The following DIAPH2 variants were observed in gnomAD, a reference collection of about 807,000 sequenced individuals.
The protein encoded by DIAPH2 is diaphanous related formin 2.
DIAPH2 carries 35 observed loss-of-function variants against 92.7 expected under a neutral mutation model. The observed-to-expected ratio is 0.38, with a 90% confidence interval of 0.29 to 0.50. The LOEUF (loss-of-function observed/expected upper bound fraction) is 0.50. Among genes scored for constraint, DIAPH2 ranks in the 20% least tolerant of loss-of-function variants. The pLI is 0.94. For missense variants in DIAPH2, 701 were observed against 819.5 expected (o/e 0.86, Z 1.77); for synonymous variants, 301 against 280.4 (o/e 1.07, Z -0.73).
intron 26 of DIAPH2, among the ~76,000 whole-genome samples, chrX:97,551,523 G>T (rs905713778): frequency 9.2e-6 from 1 of 108,659 alleles, no homozygotes; most frequent in Non-Finnish European, 1.9e-5. Context: ...CCGGGAGGTG[G>T]AGGTTGTAGT....
At chrX:97,203,287 A>G (rs2067768228) in intron 22 of DIAPH2, among the ~76,000 whole-genome samples, 2 of 111,717 alleles carry the variant, frequency 1.8e-5, no homozygotes, top group South Asian at 7.6e-4. Flanking sequence ...AAACAAATTG[A>G]AAAGCTAGCA....
chrX:96,962,428 T>TAC (rs1569436655), intron 16 of DIAPH2, among the ~76,000 whole-genome samples: 4 of 71,704 alleles, frequency 5.6e-5, no homozygotes, highest in South Asian at 6.6e-4. Context: ...CACATATATA[T>TAC]ACATATATAT....
At chrX:97,087,548 A>G (rs186747618) in intron 19 of DIAPH2, among the ~76,000 whole-genome samples, 13 of 111,691 alleles carry the variant, frequency 1.2e-4, no homozygotes, top group Non-Finnish European at 2.1e-4. Context: ...TATTCTGTAT[A>G]TGACCTTGGG....
chrX:96,923,493 C>A (rs2065560227), intron 9 of DIAPH2, among the ~76,000 whole-genome samples: 1 of 112,245 alleles, frequency 8.9e-6, no homozygotes, highest in Non-Finnish European at 1.9e-5. Context: ...CCAGATCTAT[C>A]AAGTAAGCCT....
At chrX:97,275,601 C>T (rs1176181418) in intron 23 of DIAPH2, among the ~76,000 whole-genome samples, 30 of 93,407 alleles carry the variant, frequency 3.2e-4, no homozygotes, top group Non-Finnish European at 4.6e-4. Context: ...ACTTCTCAGA[C>T]GGGGCGGCCG....
intron 26 of DIAPH2, among the ~76,000 whole-genome samples, chrX:97,436,101 A>G (rs1478271634): frequency 8.9e-6 from 1 of 111,858 alleles, no homozygotes; most frequent in Non-Finnish European, 1.9e-5. Flanking sequence ...CACCGTGCCC[A>G]GCCAGAAAAC....
intron 4 of DIAPH2, among the ~76,000 whole-genome samples, chrX:96,827,191 C>CAGTT (rs1457867824): frequency 8.9e-6 from 1 of 111,959 alleles, no homozygotes; most frequent in African/African-American, 3.2e-5. Flanking sequence ...AACTTAGTAG[C>CAGTT]AGTTACTCCA....
chrX:96,780,814 C>CTT (rs60345216), intron 4 of DIAPH2, among the ~76,000 whole-genome samples: 53 of 95,243 alleles, frequency 5.6e-4, no homozygotes, highest in Non-Finnish European at 8.7e-4. Context: ...TCTCCCTGAT[C>CTT]TTTTTTTTTT....
At chrX:97,497,430 T>C (rs1433085813) in intron 26 of DIAPH2, among the ~76,000 whole-genome samples, 1 of 109,516 alleles carries the variant, frequency 9.1e-6, no homozygotes, top group Non-Finnish European at 1.9e-5. Context: ...TCAGCCAATT[T>C]GTAAGCTCTG....
intron 26 of DIAPH2, among the ~76,000 whole-genome samples, chrX:97,454,359 G>T (rs1191261947): frequency 9.0e-6 from 1 of 110,543 alleles, no homozygotes; most frequent in East Asian, 2.8e-4. Flanking sequence ...GCAGAATACA[G>T]ACTGTATAAT....
chrX:97,053,615 A>G (rs1024940827), intron 17 of DIAPH2, among the ~76,000 whole-genome samples: 13 of 111,559 alleles, frequency 1.2e-4, no homozygotes, highest in African/African-American at 3.6e-4. Flanking sequence ...ATAACTACCT[A>G]TTGAAGAATC....
intron 17 of DIAPH2, among the ~76,000 whole-genome samples, chrX:96,980,019 T>C (rs1474143665): frequency 9.0e-6 from 1 of 110,645 alleles, no homozygotes; most frequent in Non-Finnish European, 1.9e-5. Flanking sequence ...CAGCAGCATC[T>C]AGAGGGGAGT....
chrX:97,510,205 C>T (rs1325966627), intron 26 of DIAPH2, among the ~76,000 whole-genome samples: 1 of 110,334 alleles, frequency 9.1e-6, no homozygotes, highest in Non-Finnish European at 1.9e-5. Flanking sequence ...ACCATTCTAA[C>T]TGGTGTGAGA....
chrX:97,030,803 A>C (rs1293970009), intron 17 of DIAPH2, among the ~76,000 whole-genome samples: 1 of 111,741 alleles, frequency 8.9e-6, no homozygotes, highest in Non-Finnish European at 1.9e-5. Flanking sequence ...TTTCAGTGAA[A>C]TGTTTTTCAT....
intron 1 of DIAPH2, among the ~76,000 whole-genome samples, chrX:96,732,011 G>A (rs750743909): frequency 2.7e-5 from 3 of 110,204 alleles, no homozygotes; most frequent in African/African-American, 9.9e-5. Flanking sequence ...TTTTTGGGGG[G>A]GTCATTTTTG....
At chrX:97,252,093 A>G (rs1469469232) in intron 23 of DIAPH2, among the ~76,000 whole-genome samples, 1 of 112,264 alleles carries the variant, frequency 8.9e-6, no homozygotes, top group Non-Finnish European at 1.9e-5. Context: ...GTTGTGGTCC[A>G]TTCTTAACAT....
chrX:97,359,600 A>T (rs1420638184), intron 24 of DIAPH2, among the ~76,000 whole-genome samples: 1 of 88,038 alleles, frequency 1.1e-5, no homozygotes, highest in African/African-American at 4.6e-5. Context: ...TTTTTATGAT[A>T]CAGAGTCTCG....
chrX:97,045,350 G>C (rs934759920), intron 17 of DIAPH2, among the ~76,000 whole-genome samples: 1 of 111,794 alleles, frequency 8.9e-6, no homozygotes, highest in African/African-American at 3.3e-5. Flanking sequence ...TGTTGGAAAT[G>C]TTGTTTGGTA....
At chrX:97,185,486 T>TACAC (rs2067593078) in intron 22 of DIAPH2, among the ~76,000 whole-genome samples, 5 of 14,741 alleles carry the variant, frequency 3.4e-4, no homozygotes, top group Non-Finnish European at 6.8e-4. Context: ...TATATATATA[T>TACAC]ATATATATAT....
Sources: allele counts gnomAD v4.1 joint callset (sites outside exome capture counted in the v4.1 genomes callset), GRCh38; gene constraint gnomAD v4.1.1; transcripts MANE v1.5; gene names NCBI Gene and HGNC (gene_info 2026-07-23, HGNC 2026-07-21).